The following DAB1 variants were observed in gnomAD, a reference collection of about 807,000 sequenced individuals.
DAB1 encodes the protein DAB adaptor protein 1.
A neutral mutation model predicts 64.6 loss-of-function variants in DAB1; 15 were observed. The ratio of observed to expected loss-of-function variants is 0.23; its 90% CI spans 0.16 to 0.36. DAB1 has a LOEUF of 0.36. DAB1 is among the 10% of genes least tolerant of loss of function. DAB1 has a pLI of 1.00. For synonymous variants in DAB1, 235 were observed against 251.9 expected, an observed-to-expected ratio of 0.93 and a Z score of 0.64; for missense variants, 596 against 706.7, an observed-to-expected ratio of 0.84 and a Z score of 1.78.
intron 2 of DAB1, among the ~76,000 whole-genome samples, chr1:57,166,895 C>T (rs756661435): frequency 1.7e-4 from 26 of 152,300 alleles, no homozygotes; most frequent in Non-Finnish European, 2.8e-4. Flanking sequence ...GAGCTGCTTT[C>T]AAATGTGCCT....
intron 6 of DAB1, among the ~76,000 whole-genome samples, chr1:57,706,247 C>T (rs981452530): frequency 1.3e-5 from 2 of 151,924 alleles, no homozygotes; most frequent in Non-Finnish European, 2.9e-5. Context: ...TTCCCTCCTT[C>T]TCTCTTTCTC....
At chr1:57,330,358 G>A (rs932601838) in intron 1 of DAB1, among the ~76,000 whole-genome samples, 3 of 152,150 alleles carry the variant, frequency 2.0e-5, no homozygotes, top group Admixed American at 6.5e-5. Context: ...GATGTGTGTC[G>A]TACCCAGGCT....
intron 1 of DAB1, among the ~76,000 whole-genome samples, chr1:57,355,914 A>G (rs1295333690): frequency 8.4e-6 from 1 of 118,514 alleles, no homozygotes; most frequent in Non-Finnish European, 1.9e-5. Context: ...ACACACACAC[A>G]CACACAAAAT....
intron 4 of DAB1, among the ~76,000 whole-genome samples, chr1:58,160,390 G>A (rs1489493931): frequency 1.3e-5 from 2 of 152,122 alleles, no homozygotes; most frequent in Non-Finnish European, 2.9e-5. Flanking sequence ...CATGTACCTG[G>A]CATAGTTAGA....
rs150339291 is a variant in DAB1, at chr1:58,415,578, G to A, written n.258-72175C>T. 544 of 161,648 alleles carry A rather than the reference G, an allele frequency of 3.4e-3. 5 individuals are homozygous for A. The highest frequency in any genetic ancestry group is 0.012 in the African/African-American group (511 of 41,740). 10.0% of individuals were successfully genotyped at this position (161,648 alleles called of 1,614,324 possible). A position where few individuals can be genotyped will look rare whatever the true frequency, so the allele number is the denominator to read the frequency against. Reference sequence around the variant, plus strand: ...ATGCATTCAGAAGTTTATTTATTTCGAATACCAAATACCCACTTGTACTTA... The same window carrying A: ...ATGCATTCAGAAGTTTATTTATTTCAAATACCAAATACCCACTTGTACTTA... On this transcript the variant is annotated intron_variant and non_coding_transcript_variant, in intron 3 of 20. Coordinates refer to the DAB1 transcript ENST00000485760.
chr1:58,299,645 T>C (rs1311085180), intron 4 of DAB1, among the ~76,000 whole-genome samples: 1 of 152,148 alleles, frequency 6.6e-6, no homozygotes, highest in East Asian at 1.9e-4. Flanking sequence ...CTTTTATCTG[T>C]GATAGTGCCC....
At chr1:58,519,433 C>T (rs1252957652) in intron 2 of DAB1, among the ~76,000 whole-genome samples, 1 of 151,994 alleles carries the variant, frequency 6.6e-6, no homozygotes, top group African/African-American at 2.4e-5. Flanking sequence ...GGAAGCTTCC[C>T]CAAAGAAAGA....
upstream of DAB1, among the ~76,000 whole-genome samples, chr1:57,426,442 G>A (rs746853785): frequency 9.9e-5 from 15 of 152,138 alleles, no homozygotes; most frequent in Non-Finnish European, 1.9e-4. Context: ...AACATTTTAA[G>A]TTGTTGTACT....
intron 4 of DAB1, among the ~76,000 whole-genome samples, chr1:57,130,550 A>G (rs1166406047): frequency 6.6e-6 from 1 of 152,188 alleles, no homozygotes; most frequent in Non-Finnish European, 1.5e-5. Context: ...AAAATGTGGT[A>G]TATATATGCA....
At chr1:57,537,655 T>G (rs1644746423) in intron 7 of DAB1, among the ~76,000 whole-genome samples, 1 of 152,198 alleles carries the variant, frequency 6.6e-6, no homozygotes, top group Non-Finnish European at 1.5e-5. Context: ...CATTTTGATT[T>G]CCATGAAGAG....
intron 7 of DAB1, among the ~76,000 whole-genome samples, chr1:57,626,575 G>A (rs1165266513): frequency 6.6e-6 from 1 of 152,150 alleles, no homozygotes; most frequent in Non-Finnish European, 1.5e-5. Flanking sequence ...GTGTCTTAGT[G>A]TATTTGGGCT....
intron 3 of DAB1, among the ~76,000 whole-genome samples, chr1:58,348,476 T>C (rs1644021903): frequency 6.6e-6 from 1 of 152,218 alleles, no homozygotes; most frequent in African/African-American, 2.4e-5. Flanking sequence ...TTGATGTTGC[T>C]AGCAGATGCT....
chr1:58,449,390 C>A (rs1479439231), intron 3 of DAB1, among the ~76,000 whole-genome samples: 3 of 152,150 alleles, frequency 2.0e-5, no homozygotes, highest in African/African-American at 7.2e-5. Flanking sequence ...TGTCCTCTGA[C>A]AAACTGGCCA....
intron 4 of DAB1, among the ~76,000 whole-genome samples, chr1:58,210,659 C>A (rs989362936): frequency 2.0e-5 from 3 of 152,140 alleles, no homozygotes; most frequent in African/African-American, 4.8e-5. Context: ...ATAGAGAATT[C>A]ATGTATTCAT....
intron 7 of DAB1, among the ~76,000 whole-genome samples, chr1:57,443,425 C>T (rs527747047): frequency 1.3e-5 from 2 of 152,292 alleles, no homozygotes; most frequent in East Asian, 1.9e-4. Context: ...CTGAACATAC[C>T]ATGCACTTTC....
chr1:57,804,512 G>T (rs534231332), intron 6 of DAB1, among the ~76,000 whole-genome samples: 1 of 152,278 alleles, frequency 6.6e-6, no homozygotes, highest in Non-Finnish European at 1.5e-5. Flanking sequence ...ATTACCATTT[G>T]CAGATACGTG....
At position 58,159,079 on chromosome 1, in the gene DAB1, G is replaced by A. The variant is rs1380912490; in HGVS notation, n.310-8491C>T. Among the ~76,000 whole-genome samples, 3 of 152,174 alleles carry A rather than the reference G, an allele frequency of 2.0e-5. No homozygotes were observed. The East Asian group carries it at 5.8e-4, about 29-fold the overall frequency. On this transcript the variant is annotated intron_variant and non_coding_transcript_variant, in intron 4 of 20. Coordinates refer to the DAB1 transcript ENST00000485760. Reference sequence around the variant, plus strand: ...GCATGTCAAGCTCTTGCCCTTGCTAGTGAGCTCAAGCTCTGGAACCCAAAC... The same window carrying A: ...GCATGTCAAGCTCTTGCCCTTGCTAATGAGCTCAAGCTCTGGAACCCAAAC...
chr1:57,724,540 G>A (rs1647186422), intron 6 of DAB1, among the ~76,000 whole-genome samples: 1 of 152,154 alleles, frequency 6.6e-6, no homozygotes, highest in African/African-American at 2.4e-5. Context: ...AACCAGGAGT[G>A]AAATTCTGAA....
rs1002194387 is a variant in DAB1, at chr1:57,535,638, T to G, written n.625+113954A>C. Among the ~76,000 whole-genome samples, 4 of 152,008 alleles carry G rather than the reference T, an allele frequency of 2.6e-5. No individual in the cohort carries two copies. The South Asian group carries it at 8.3e-4, about 32-fold the overall frequency. On this transcript the variant is annotated intron_variant and non_coding_transcript_variant, in intron 7 of 20. Coordinates refer to the DAB1 transcript ENST00000485760. The stretch of plus-strand genomic sequence containing the variant: ...CCACCACGCCTGGCTAATTTTTGTA[T>G]TTTAGTAGAGACAGAGTTTCACTAT...
Sources: allele counts gnomAD v4.1 joint callset (sites outside exome capture counted in the v4.1 genomes callset), GRCh38; gene constraint gnomAD v4.1.1; transcripts MANE v1.5; gene names NCBI Gene and HGNC (gene_info 2026-07-23, HGNC 2026-07-21).